NUP210: variants seen among roughly 807,000 people sequenced by gnomAD.
The protein encoded by NUP210 is nucleoporin 210, also known as nuclear pore membrane glycoprotein 210.
NUP210 carries 151 observed loss-of-function variants against 196.0 expected under a neutral mutation model. The ratio of observed to expected loss-of-function variants is 0.77; its 90% CI spans 0.67 to 0.88. The LOEUF (loss-of-function observed/expected upper bound fraction) is 0.88. NUP210 is among the 40% of genes least tolerant of loss of function. The probability of loss-of-function intolerance (pLI) is 0.00; values close to 1 mark genes in which losing one functional copy is unlikely to be tolerated. For synonymous variants in NUP210, 1,070 were observed against 1,052.7 expected (o/e 1.02, Z -0.32); for missense variants, 2,314 against 2,493.7 (o/e 0.93, Z 1.53).
intron 33 of NUP210, among the ~76,000 whole-genome samples, chr3:13,325,073 G>A (rs1223865878): frequency 1.3e-5 from 2 of 152,158 alleles, no homozygotes. Context: ...CTGGAATCTG[G>A]TGCATTTTCT....
chr3:13,329,356 T>C (rs1696904792), intron 30 of NUP210, among the ~76,000 whole-genome samples: 1 of 152,152 alleles, frequency 6.6e-6, no homozygotes, highest in South Asian at 2.1e-4. Context: ...CAGCATGCCC[T>C]GCAGGCCACC....
At chr3:13,394,482 G>A (rs1284741437) in intron 3 of NUP210, among the ~76,000 whole-genome samples, 2 of 152,244 alleles carry the variant, frequency 1.3e-5, no homozygotes, top group South Asian at 2.1e-4. Context: ...GGCCCCCAAT[G>A]CCCAGGAAAA....
chr3:13,318,943 G>T, intron 39 of NUP210, 129 bp downstream of exon 39: 1 of 847,078 alleles, frequency 1.2e-6, no homozygotes. Flanking sequence ...CTGTCCTCTG[G>T]GCCTCAGGCT....
rs755824629 is a variant in NUP210 at position 13,335,603 on chromosome 3, G to C, written c.3694C>G (p.Arg1232Gly). 1 of 1,614,010 alleles carries C rather than the reference G, an allele frequency of 6.2e-7. No individual in the cohort carries two copies. The highest frequency in any genetic ancestry group is 1.7e-5 in the Admixed American group (1 of 60,020). Reference sequence around the variant, plus strand: ...GCAAAGTTGTACTGTGACGGGAGTCGGATCGACGCCTGGGAAGACATCAAA... The same window carrying C: ...GCAAAGTTGTACTGTGACGGGAGTCCGATCGACGCCTGGGAAGACATCAAA... Reference protein sequence around the residue: ...LRGRHHEASIRLPSQYNFAMN... With the variant: ...LRGRHHEASIGLPSQYNFAMN... Residue 1232 changes from arginine (R) to glycine (G), a missense_variant, in exon 28 of 40, where the codon CGA (arginine) becomes GGA (glycine). Transcript: ENST00000254508.
At chr3:13,377,349 G>A (rs1698947380) in intron 9 of NUP210, 107 bp downstream of exon 9, 2 of 778,466 alleles carry the variant, frequency 2.6e-6, no homozygotes, top group Non-Finnish European at 4.4e-6. Flanking sequence ...CCCCTCCTCG[G>A]TCAGCCTGCA....
Position 13,388,429 on chromosome 3 carries a change from C to G in NUP210, c.558G>C (p.Thr186=), listed in dbSNP as rs199802592. The G allele has an allele frequency of 6.2e-7, 1 of 1,608,416 alleles. No individual in the cohort carries two copies. The highest frequency in any genetic ancestry group is 1.1e-5 in the South Asian group (1 of 90,028). ...ALRILTFLES[T]YIPPSYISEM... is the part of the protein sequence containing the mutation. ...CTGAGATGTAAGAAGGAGGGATGTA[C>G]GTAGACTCCAAGAAAGTGAGGATTC... The change falls in exon 5 of 40, where the codon ACG becomes ACC. Residue 186 remains threonine, a synonymous_variant. Transcript: ENST00000254508.
Position 13,379,804 on chromosome 3 carries a change from C to G in NUP210, c.818-83G>C. On this transcript the variant is annotated intron_variant, in intron 6 of 39. Transcript: ENST00000254508. This position sits in a 1 kb window ranked among gnomAD's most constrained non-coding sequence, Gnocchi z 4.2. ...AGAAGCCAATACACTCCCACTGCCACCCCGAATCTCTGCACTCTGCTCTCA... is the reference window on the plus strand; with the variant it reads ...AGAAGCCAATACACTCCCACTGCCAGCCCGAATCTCTGCACTCTGCTCTCA... 1 of 1,209,782 alleles carries G rather than the reference C, an allele frequency of 8.3e-7. No individual in the cohort carries two copies. The highest frequency in any genetic ancestry group is 1.1e-6 in the Non-Finnish European group (1 of 874,056). 74.9% of individuals were successfully genotyped at this position (1,209,782 alleles called of 1,614,324 possible).
intron 9 of NUP210, 46 bp from the exon 10 acceptor site, chr3:13,376,477 C>A (rs1383479818): frequency 6.2e-7 from 1 of 1,607,948 alleles, no homozygotes; most frequent in Non-Finnish European, 8.5e-7. Context: ...TGGGGTGACT[C>A]CAGAAAGTCA....
chr3:13,399,265 C>CAAAAAAAAAAAAAAAAAAAAAA, intron 2 of NUP210, among the ~76,000 whole-genome samples: 1 of 65,344 alleles, frequency 1.5e-5, no homozygotes, highest in Non-Finnish European at 3.1e-5. Flanking sequence ...GACTCTGTCT[C>CAAAAAAAAAAAAAAAAAAAAAA]AAAAAAAAAA....
chr3:13,360,191 G>C (rs2124892083), intron 15 of NUP210, 79 bp downstream of exon 15: 1 of 1,224,894 alleles, frequency 8.2e-7, no homozygotes, highest in Non-Finnish European at 1.2e-6. Context: ...ACTCCAAGGA[G>C]TAAATAAAAC....
rs752677070 is a variant in NUP210, at chr3:13,377,556, G to C, written c.1052C>G (p.Thr351Ser). The C allele has an allele frequency of 5.6e-6, 9 of 1,613,002 alleles. No individual in the cohort carries two copies. In the South Asian group the frequency reaches 8.8e-5, roughly 16 times the overall value. ...CACCCACCTGTCACCAGGGTGAACA[G>C]TGAACCCTAAAACAGGCAGAGGGAG... is the stretch of plus-strand genomic sequence containing the variant. ...YVVEPGYLGF[T>S]VHPGDRWVLE... Residue 351 changes from threonine to serine, a missense_variant, in exon 9 of 40, where the codon ACT becomes AGT. Transcript: ENST00000254508.
chr3:13,337,097 A>T, intron 26 of NUP210, 179 bp from the exon 27 acceptor site: 1 of 649,322 alleles, frequency 1.5e-6, no homozygotes, highest in Non-Finnish European at 2.6e-6. Context: ...CAGAGGTGGG[A>T]CTGTTTTCCC....
At position 13,377,368 on chromosome 3, in the gene NUP210, C is replaced by T. The variant is rs1698948521; in HGVS notation, c.1152+88G>A. On this transcript the variant is annotated intron_variant, in intron 9 of 39. Coordinates refer to ENST00000254508, the MANE Select transcript of NUP210 (RefSeq NM_024923.4). Reference sequence around the variant, plus strand: ...TCCTCGGTCAGCCTGCATGGGGGCTCCTGTTGCTTTGGGGGCTGCTCTTCA... The same window carrying T: ...TCCTCGGTCAGCCTGCATGGGGGCTTCTGTTGCTTTGGGGGCTGCTCTTCA... The T allele has an allele frequency of 4.4e-6, 4 of 910,756 alleles. No homozygotes were observed. In the East Asian group the frequency reaches 1.0e-4, roughly 23 times the overall value. The allele number at this position is 910,756 out of a possible 1,614,324, so 56.4% of individuals were successfully genotyped here. A position where few individuals can be genotyped will look rare whatever the true frequency, so the allele number is the denominator to read the frequency against.
intron 3 of NUP210, among the ~76,000 whole-genome samples, chr3:13,395,758 T>C (rs1442573827): frequency 6.6e-6 from 1 of 152,238 alleles, no homozygotes; most frequent in Non-Finnish European, 1.5e-5. Context: ...AGCATTCACA[T>C]GTGAACATGT....
chr3:13,395,112 G>A (rs1225878323), intron 3 of NUP210, among the ~76,000 whole-genome samples: 1 of 152,166 alleles, frequency 6.6e-6, no homozygotes, highest in Non-Finnish European at 1.5e-5. Context: ...CAGGAGAGGG[G>A]GGAGTGTGAG....
Position 13,386,266 on chromosome 3 carries a change from A to G in NUP210, c.817+9T>C, listed in dbSNP as rs375386700. The G allele has an allele frequency of 8.1e-6, 13 of 1,611,542 alleles. No individual in the cohort carries two copies. The highest frequency in any genetic ancestry group is 1.7e-4 in the Middle Eastern group (1 of 6,050). ...AGCATCTGTCATGATGGCAGAGCCA[A>G]TGACACACCTGTAATTTTCCCTTGC... On this transcript the variant is annotated intron_variant, in intron 6 of 39. Transcript: ENST00000254508.
rs765447965 is a variant in NUP210, at chr3:13,378,974, C to G, written c.983G>C (p.Arg328Pro). ...SSLVLGHRSI[R>P]MQGASRLPNS... ...GGGTAACCTAGAAGCACCTTGCATG[C>G]GAATACCTGAATTTTGAATTAAGGG... The change falls in exon 8 of 40, where the codon CGC becomes CCC. Residue 328 changes from arginine (R) to proline (P), a missense_variant. Transcript: ENST00000254508. The G allele has an allele frequency of 1.1e-5, 17 of 1,613,796 alleles. No individual in the cohort carries two copies. The highest frequency in any genetic ancestry group is 1.3e-5 in the Non-Finnish European group (15 of 1,179,736).
intron 5 of NUP210, among the ~76,000 whole-genome samples, chr3:13,387,602 G>C (rs555942961): frequency 2.6e-5 from 4 of 152,222 alleles, no homozygotes; most frequent in Non-Finnish European, 1.5e-5. Context: ...AAAATTAAAT[G>C]GCAGGCCAAG....
chr3:13,379,407 C>A lies in NUP210; in HGVS notation c.976+156G>T, dbSNP rs756604907. ...GAGTCACCCACAGCCGTGAGCAATT[C>A]CACTCAGCAGTGCTATTTCAGTTCT... On this transcript the variant is annotated intron_variant, in intron 7 of 39. Coordinates refer to ENST00000254508, the MANE Select transcript of NUP210 (RefSeq NM_024923.4). The surrounding 1 kb of genome is among the most constrained non-coding windows in gnomAD (Gnocchi z 4.2). Among the ~76,000 whole-genome samples the A allele has an allele frequency of 6.6e-6, 1 of 152,152 alleles. No homozygotes were observed. Among genetic ancestry groups the A allele is most frequent in the African/African-American group, 2.4e-5 (1 of 41,440 alleles).
Sources: gnomAD v4.1 joint callset for allele counts (sites outside exome capture counted in the v4.1 genomes callset) on GRCh38, gnomAD v4.1.1 for gene constraint, Gnocchi (gnomAD v3.1) non-coding constraint, MANE v1.5 for transcripts, NCBI Gene and HGNC (gene_info 2026-07-23, HGNC 2026-07-21) for gene names.